The following FASN variants were observed in gnomAD, a reference collection of about 807,000 sequenced individuals.
FASN encodes 3-hydroxyacyl-[acyl-carrier-protein] dehydratase.
In FASN, 50 loss-of-function variants were observed where a neutral mutation model predicts 250.0. The ratio of observed to expected loss-of-function variants is 0.20; its 90% CI spans 0.16 to 0.25. The LOEUF (loss-of-function observed/expected upper bound fraction) is 0.25. Ranked by LOEUF, FASN falls within the 10% of genes least tolerant of loss-of-function variation. The pLI is 1.00. For missense variants in FASN, 3,031 were observed against 3,498.5 expected (o/e 0.87, Z 3.37); for synonymous variants, 1,909 against 1,584.0 (o/e 1.21, Z -4.87).
chr17:82,089,418 G>A, intron 12 of FASN, 34 bp from the exon 13 acceptor site: 2 of 1,612,646 alleles, frequency 1.2e-6, no homozygotes, highest in East Asian at 2.2e-5. Context: ...AAGCATCCTG[G>A]CTGGGCACCC....
rs369165896 is a variant in FASN at position 82,079,390 on chromosome 17, G to C, written c.7365C>G (p.Gly2455=). The C allele has an allele frequency of 6.2e-7, 1 of 1,612,998 alleles. No homozygotes were observed. Among genetic ancestry groups the C allele is most frequent in the Non-Finnish European group, 8.5e-7 (1 of 1,179,996 alleles). The change falls in exon 42 of 43, where the codon GGC becomes GGG. Residue 2455 remains glycine, a synonymous_variant. Transcript: ENST00000306749. The part of the protein sequence containing the change: ...LLRAKTGGAY[G]EDLGADYNLS... ...GGTTGTAGTCCGCGCCCAGGTCCTC[G>C]CCGTAGGCGCCACCCGTCTTGGCGC...
rs1251898683 is a variant in FASN, at chr17:82,089,119, G to A, written c.2154C>T (p.Pro718=). Residue 718 remains proline (P), a synonymous_variant, in exon 14 of 43, where the codon CCC becomes CCT. Transcript: ENST00000306749. The part of the protein sequence containing the change: ...RSARWLSTSI[P]EAQWHSSLAR... ...CCAGGCTGCTGTGCCACTGGGCCTC[G>A]GGGATAGAGGTGCTGAGCCAGCGGG... 8.9e-6 allele frequency: 14 copies of A among 1,567,324 alleles called. No homozygotes were observed. Among genetic ancestry groups the A allele is most frequent in the Middle Eastern group, 1.7e-4 (1 of 6,016 alleles).
At position 82,085,168 on chromosome 17, in the gene FASN, C is replaced by T. The variant is rs45573640; in HGVS notation, c.4288-12G>A. ...TCAGCCAGGATGCCCTACAGCGGGT[C>T]GGGGAGGGTCAGGCCACACTCGGCA... On this transcript the variant is annotated splice_polypyrimidine_tract_variant and intron_variant, in intron 24 of 42. Coordinates refer to ENST00000306749, the MANE Select transcript of FASN (RefSeq NM_004104.5). The T allele has an allele frequency of 1.2e-5, 19 of 1,611,584 alleles. No homozygotes were observed. The highest frequency in any genetic ancestry group is 2.2e-5 in the East Asian group (1 of 44,776).
intron 13 of FASN, 32 bp from the exon 14 acceptor site, chr17:82,089,204 T>G: frequency 6.2e-7 from 1 of 1,604,612 alleles, no homozygotes; most frequent in East Asian, 2.3e-5. Context: ...TGCTGGGTTG[T>G]GGGTCCCCTG....
At position 82,091,216 on chromosome 17, in the gene FASN, G is replaced by A. The variant is rs762295115; in HGVS notation, c.1492+6C>T. The A allele has an allele frequency of 1.2e-5, 20 of 1,600,018 alleles. No homozygotes were observed. The highest frequency in any genetic ancestry group is 1.6e-5 in the Non-Finnish European group (19 of 1,175,838). On this transcript the variant is annotated splice_donor_region_variant and intron_variant, in intron 9 of 42. Coordinates refer to ENST00000306749, the MANE Select transcript of FASN (RefSeq NM_004104.5). The stretch of plus-strand genomic sequence containing the variant: ...GGACCACCTTGGGGGCAGAGTGTGG[G>A]CTCACCAGAGCAGATGAACCAGAGC...
rs767482096 is a variant in FASN, at chr17:82,089,114, G to A, written c.2159C>T (p.Ala720Val). 1.3e-6 allele frequency: 2 copies of A among 1,567,828 alleles called. No homozygotes were observed. Among genetic ancestry groups the A allele is most frequent in the Non-Finnish European group, 8.6e-7 (1 of 1,157,028 alleles). Reference sequence around the variant, plus strand: ...GCGTGCCAGGCTGCTGTGCCACTGGGCCTCGGGGATAGAGGTGCTGAGCCA... The same window carrying A: ...GCGTGCCAGGCTGCTGTGCCACTGGACCTCGGGGATAGAGGTGCTGAGCCA... Reference protein sequence around the residue: ...ARWLSTSIPEAQWHSSLARTS... With the variant: ...ARWLSTSIPEVQWHSSLARTS... Residue 720 changes from alanine (A) to valine (V), a missense_variant, in exon 14 of 43, where the codon GCC becomes GTC. Physicochemically the swap from Ala to Val is moderately conservative, Grantham distance 64 (BLOSUM62 0). Coordinates refer to ENST00000306749, the MANE Select transcript of FASN (RefSeq NM_004104.5).
chr17:82,086,659 G>C, intron 21 of FASN, 101 bp from the exon 22 acceptor site: 1 of 879,920 alleles, frequency 1.1e-6, no homozygotes, highest in East Asian at 2.6e-5. Flanking sequence ...CCACCACCCC[G>C]CTCTGCCCAC....
At chr17:82,094,110 C>T (rs866527315) in intron 3 of FASN, 26 of 422,140 alleles carry the variant, frequency 6.2e-5, no homozygotes, top group South Asian at 3.6e-4. Flanking sequence ...TGTCCCCAGG[C>T]GACGCCTTTG....
At chr17:82,090,698 C>A in intron 10 of FASN, 134 bp from the exon 11 acceptor site, 2 of 1,040,384 alleles carry the variant, frequency 1.9e-6, no homozygotes, top group Non-Finnish European at 2.9e-6. Context: ...GGAAAGAAGC[C>A]CCTATGGCCC....
intron 21 of FASN, among the ~76,000 whole-genome samples, chr17:82,086,814 G>C (rs975765533): frequency 6.6e-6 from 1 of 151,066 alleles, no homozygotes; most frequent in Admixed American, 6.6e-5. Flanking sequence ...GGCTGAATCT[G>C]TCATCTTTGC....
Position 82,082,175 on chromosome 17 carries a change from G to T in FASN, c.6012-15C>A. On this transcript the variant is annotated splice_polypyrimidine_tract_variant and intron_variant, in intron 35 of 42. Coordinates refer to ENST00000306749, the MANE Select transcript of FASN (RefSeq NM_004104.5). Reference sequence around the variant, plus strand: ...CTCGGGTCACCCTGTGGGCACGCGTGTCACTCCCCATTGGCCAGCATCCCC... The same window carrying T: ...CTCGGGTCACCCTGTGGGCACGCGTTTCACTCCCCATTGGCCAGCATCCCC... The T allele has an allele frequency of 6.2e-7, 1 of 1,601,596 alleles. No homozygotes were observed. Among genetic ancestry groups the T allele is most frequent in the Non-Finnish European group, 8.5e-7 (1 of 1,179,902 alleles).
chr17:82,088,337 G>A lies in FASN; in HGVS notation c.2594-30C>T, dbSNP rs753775901. The stretch of plus-strand genomic sequence containing the variant: ...GGGAGGGCACAGGCCTCAGCACAGA[G>A]CGGGCGTCTGTGGGGAGGGAAGAGT... On this transcript the variant is annotated intron_variant, in intron 16 of 42. Coordinates refer to ENST00000306749, the MANE Select transcript of FASN (RefSeq NM_004104.5). The A allele has an allele frequency of 1.4e-5, 23 of 1,609,792 alleles. No individual in the cohort carries two copies. The African/African-American group carries it at 2.1e-4, about 15-fold the overall frequency.
chr17:82,085,896 AG>A, intron 22 of FASN, 25 bp from the exon 23 acceptor site: 1 of 1,512,546 alleles, frequency 6.6e-7, no homozygotes, highest in African/African-American at 1.4e-5. Context: ...TTCTGGAATC[AG>A]CCCCACACCA....
chr17:82,079,714 G>T (rs1157537576), intron 41 of FASN, 106 bp from the exon 42 acceptor site: 13 of 1,445,678 alleles, frequency 9.0e-6, no homozygotes, highest in African/African-American at 1.4e-5. Context: ...TTTCATTTTT[G>T]TTACCCAGGC....
At position 82,084,323 on chromosome 17, in the gene FASN, G is replaced by A. The variant is rs1250258942; in HGVS notation, c.4830C>T (p.Gly1610=). 2.5e-6 allele frequency: 4 copies of A among 1,610,020 alleles called. No individual in the cohort carries two copies. The highest frequency in any genetic ancestry group is 3.4e-6 in the Non-Finnish European group (4 of 1,178,854). The change falls in exon 28 of 43, where the codon GGC becomes GGT. Residue 1610 remains glycine, a synonymous_variant. Coordinates refer to ENST00000306749, the MANE Select transcript of FASN (RefSeq NM_004104.5). ...GMEFSGRDAS[G]KRVMGLVPAK... ...CAGGCACCAGTCCCATCACACGCTT[G>A]CCGCTGGCGTCTCGGCCCGAGAACT... is the stretch of plus-strand genomic sequence containing the variant.
At chr17:82,094,038 C>T (rs544693380) in intron 3 of FASN, 44 of 551,318 alleles carry the variant, frequency 8.0e-5, no homozygotes, top group African/African-American at 5.5e-4. Context: ...AGGGGGCAGG[C>T]GGGCCCAGGG....
Position 82,096,370 on chromosome 17 carries a change from G to A in FASN, c.76C>T (p.Leu26Phe). 6.2e-7 allele frequency: 1 copy of A among 1,613,014 alleles called. No homozygotes were observed. The highest frequency in any genetic ancestry group is 1.1e-5 in the South Asian group (1 of 91,092). The stretch of plus-strand genomic sequence containing the variant: ...GTGACCATGTCCACACCGCCGATGA[G>A]GTTGTCCCAGAACTCCTGCAAGTTC... ...SENLQEFWDN[L>F]IGGVDMVTDD... is the part of the protein sequence containing the mutation. The change falls in exon 2 of 43, where the codon CTC becomes TTC. Residue 26 changes from leucine (L) to phenylalanine (F), a missense_variant. Physicochemically the swap from Leu to Phe is conservative, Grantham distance 22 (BLOSUM62 0). Coordinates refer to ENST00000306749, the MANE Select transcript of FASN (RefSeq NM_004104.5).
In FASN at chr17:82,082,956, C is replaced by T. The variant is rs1006885528; in HGVS notation, c.5725G>A (p.Val1909Met). Residue 1909 changes from valine (V) to methionine (M), a missense_variant, in exon 33 of 43, where the codon GTG becomes ATG. Physicochemically the swap from Val to Met is conservative, Grantham distance 21 (BLOSUM62 1). Coordinates refer to ENST00000306749, the MANE Select transcript of FASN (RefSeq NM_004104.5). ...CGAGAAGTCAACACGAGCTTCTGCA[C>T]CCCACGCTGTATCAGCCACTGCGCC... ...ELAQWLIQRG[V>M]QKLVLTSRSG... is the part of the protein sequence containing the mutation. 2 of 1,612,726 alleles carry T rather than the reference C, an allele frequency of 1.2e-6. No individual in the cohort carries two copies. Among genetic ancestry groups the T allele is most frequent in the Non-Finnish European group, 8.5e-7 (1 of 1,180,000 alleles).
rs1203705391 is a variant in FASN at position 82,089,621 on chromosome 17, G to A, written c.1965+11C>T. 34 of 1,589,434 alleles carry A rather than the reference G, an allele frequency of 2.1e-5. No homozygotes were observed. Among genetic ancestry groups the A allele is most frequent in the African/African-American group, 4.0e-5 (3 of 74,490 alleles). On this transcript the variant is annotated intron_variant, in intron 12 of 42. Coordinates refer to ENST00000306749, the MANE Select transcript of FASN (RefSeq NM_004104.5). ...GGGGACAGAGGAGCCCGCCCAGGCC[G>A]CAGCACCCACCTGAGGTCCCGAGAT...
Sources: allele counts gnomAD v4.1 joint callset (sites outside exome capture counted in the v4.1 genomes callset), GRCh38; gene constraint gnomAD v4.1.1; transcripts MANE v1.5; gene names NCBI Gene and HGNC (gene_info 2026-07-23, HGNC 2026-07-21).